Variants in IL17RC observed in about 807,000 individuals in gnomAD.
IL17RC encodes the protein interleukin 17 receptor C, also known as interleukin-17 receptor C.
A neutral mutation model predicts 86.7 loss-of-function variants in IL17RC; 53 were observed. That is an observed-to-expected ratio of 0.61 (90% CI 0.49 to 0.77). IL17RC has a LOEUF of 0.77. IL17RC is among the 30% of genes least tolerant of loss of function. The pLI is 0.00. For missense variants in IL17RC, 957 were observed against 940.0 expected, an observed-to-expected ratio of 1.02 and a Z score of -0.24; for synonymous variants, 439 against 413.1, an observed-to-expected ratio of 1.06 and a Z score of -0.76.
At position 9,933,502 on chromosome 3, in the gene IL17RC, C is replaced by A; in HGVS notation, c.2072C>A (p.Ala691Asp). ...CAAGTGTCCCGGGCCCTTCAGCCAG[C>A]CCTGGATAGCTACTTCCATCCCCCG... ...AEQVSRALQP[A>D]LDSYFHPPGT... Residue 691 changes from alanine (A) to aspartate (D), a missense_variant, in exon 19 of 19, where the codon GCC becomes GAC. Coordinates refer to ENST00000403601, the MANE Select transcript of IL17RC (RefSeq NM_153460.4). 1.9e-6 allele frequency: 3 copies of A among 1,611,214 alleles called. No homozygotes were observed. The highest frequency in any genetic ancestry group is 2.5e-6 in the Non-Finnish European group (3 of 1,179,166).
intron 1 of IL17RC, 109 bp downstream of exon 1, chr3:9,917,529 T>G (rs2083181676): frequency 6.2e-7 from 1 of 1,613,968 alleles, no homozygotes; most frequent in African/African-American, 1.3e-5. Flanking sequence ...AACTGCCCTG[T>G]CTGGTCTGTC....
rs879509213 is a variant in IL17RC, at chr3:9,920,533, G to A, written c.508G>A (p.Glu170Lys). ...CTGCTTCGAGGCTGCCCTAGGGAGT[G>A]AGGTACGAATCTGGTCCTATACTCA... ...YDCFEAALGS[E>K]VRIWSYTQPR... The change falls in exon 6 of 19, where the codon GAG (glutamate) becomes AAG (lysine). Residue 170 changes from glutamate to lysine, a missense_variant. Transcript: ENST00000403601. 1.2e-6 allele frequency: 2 copies of A among 1,608,000 alleles called. No individual in the cohort carries two copies. The highest frequency in any genetic ancestry group is 1.7e-6 in the Non-Finnish European group (2 of 1,176,696).
In IL17RC at chr3:9,929,597, A is replaced by AG. The variant is rs2084460666; in HGVS notation, c.1111-251dup. On this transcript the variant is annotated intron_variant, in intron 12 of 18. Transcript: ENST00000403601. ...AATCTCTTTGAGAAGGTTAGATGAG[A>AG]GGGGAACCATGCTCCGTAAGACATA... 4.4e-5 allele frequency: 24 copies of AG among 546,944 alleles called. No homozygotes were observed. The South Asian group carries it at 5.3e-4, about 12-fold the overall frequency. The allele number at this position is 546,944 out of a possible 1,614,324, so 33.9% of individuals were successfully genotyped here.
At chr3:9,928,673 G>A (rs770676160) in intron 12 of IL17RC, 43 bp downstream of exon 12, 48 of 1,602,174 alleles carry the variant, frequency 3.0e-5, no homozygotes, top group Non-Finnish European at 2.9e-5. Flanking sequence ...GCTGGACCTG[G>A]GCAGACCCCC....
intron 7 of IL17RC, 105 bp downstream of exon 7, chr3:9,921,074 C>A: frequency 3.1e-6 from 2 of 646,302 alleles, no homozygotes; most frequent in South Asian, 2.1e-5. Context: ...CTCAGAAGCT[C>A]ACAGAACATA....
At chr3:9,917,838 G>T (rs1304335776) in intron 2 of IL17RC, 85 bp from the exon 3 acceptor site, 1 of 1,607,448 alleles carries the variant, frequency 6.2e-7, no homozygotes, top group East Asian at 2.2e-5. Context: ...GGACAGCCAA[G>T]TTCTTTGGCT....
chr3:9,933,560 A>AGG lies in IL17RC; in HGVS notation c.2131_2132dup (p.Gly713ArgfsTer11), dbSNP rs750449725. 2.4e-5 allele frequency: 38 copies of AGG among 1,605,834 alleles called. No individual in the cohort carries two copies. The African/African-American group carries it at 3.2e-4, about 14-fold the overall frequency. On this transcript the variant is annotated frameshift_variant, in exon 19 of 19. Coordinates refer to ENST00000403601, the MANE Select transcript of IL17RC (RefSeq NM_153460.4). LOFTEE classifies it low-confidence loss of function (END_TRUNC). Reference sequence around the variant, plus strand: ...CCGCGCCGGGACGCGGGGTGGGACCAGGCGCGGGACCTGGGGCGGGGGACG... The same window carrying AGG: ...CCGCGCCGGGACGCGGGGTGGGACCAGGGGCGCGGGACCTGGGGCGGGGGACG...
At chr3:9,919,309 TTTTTTGTTTTTG>T (rs955686763) in intron 5 of IL17RC, among the ~76,000 whole-genome samples, 13 of 150,996 alleles carry the variant, frequency 8.6e-5, no homozygotes, top group East Asian at 1.9e-4. Context: ...CTCTTAAAGT[TTTTTTGTTTTTG>T]TTTTTGTTTT....
At chr3:9,924,056 T>C (rs753239171) in intron 8 of IL17RC, 36 bp downstream of exon 8, 1 of 1,612,064 alleles carries the variant, frequency 6.2e-7, no homozygotes, top group Non-Finnish European at 8.5e-7. Flanking sequence ...ATTCCCACTG[T>C]AGGCCGATGC....
chr3:9,921,424 C>G (rs1229662998), intron 7 of IL17RC, among the ~76,000 whole-genome samples: 1 of 151,830 alleles, frequency 6.6e-6, no homozygotes, highest in Non-Finnish European at 1.5e-5. Context: ...CATTGCACAC[C>G]AGCCTGGGTG....
chr3:9,917,128 A>G lies in IL17RC; in HGVS notation c.-188A>G. 3.4e-6 allele frequency: 2 copies of G among 592,302 alleles called. No homozygotes were observed. The highest frequency in any genetic ancestry group is 6.0e-6 in the Non-Finnish European group (2 of 333,424). 36.7% of individuals were successfully genotyped at this position (592,302 alleles called of 1,614,324 possible). On this transcript the variant is annotated 5_prime_UTR_variant, in exon 1 of 19. Coordinates refer to ENST00000403601, the MANE Select transcript of IL17RC (RefSeq NM_153460.4). ...GAAAGCACTCCGTGCTGGAAGTAGG[A>G]GGAGAGTCAGGACTCCCAGGACAGA...
In IL17RC at chr3:9,924,289, C is replaced by A; in HGVS notation, c.820C>A (p.Gln274Lys). 1.9e-6 allele frequency: 3 copies of A among 1,613,758 alleles called. No homozygotes were observed. Among genetic ancestry groups the A allele is most frequent in the South Asian group, 2.2e-5 (2 of 91,038 alleles). Residue 274 changes from glutamine to lysine, a missense_variant and splice_region_variant, in exon 9 of 19, where the codon CAG (glutamine) becomes AAG (lysine). Transcript: ENST00000403601. ...AGACCTGGTTCCCTGCCTCTGTATT[C>A]AGGTAGGAGCAGAGTCTAGCTGGGT... ...HTDLVPCLCI[Q>K]VWPLEPDSVR... is the part of the protein sequence containing the mutation.
intron 9 of IL17RC, among the ~76,000 whole-genome samples, chr3:9,925,186 G>A (rs2083944979): frequency 6.6e-6 from 1 of 150,714 alleles, no homozygotes; most frequent in Admixed American, 6.6e-5. Context: ...CGTGATCTCG[G>A]CTCACTGCAA....
chr3:9,917,452 G>T, intron 1 of IL17RC, 32 bp downstream of exon 1: 1 of 1,614,222 alleles, frequency 6.2e-7, no homozygotes, highest in Non-Finnish European at 8.5e-7. Flanking sequence ...GACGAGGAAA[G>T]GCTCAGGGTT....
rs2084860336 is a variant in IL17RC at position 9,932,685 on chromosome 3, A to C, written c.1465A>C (p.Lys489Gln). 3.7e-6 allele frequency: 6 copies of C among 1,613,910 alleles called. No individual in the cohort carries two copies. The Middle Eastern group carries it at 9.9e-4, about 266-fold the overall frequency. ...TGCGCTTTCCCTCATCCTCCTTCTC[A>C]AAAAGGATCACGCGAAAGGTGAGCG... is the stretch of plus-strand genomic sequence containing the variant. ...AAALSLILLL[K>Q]KDHAKGWLRL... The change falls in exon 17 of 19, where the codon AAA becomes CAA. Residue 489 changes from lysine (K) to glutamine (Q), a missense_variant. Transcript: ENST00000403601.
intron 9 of IL17RC, 128 bp from the exon 10 acceptor site, chr3:9,928,038 G>A: frequency 1.2e-6 from 1 of 857,370 alleles, no homozygotes; most frequent in Non-Finnish European, 1.9e-6. Flanking sequence ...TCCAGGTTTT[G>A]TAAAAGGCAG....
chr3:9,926,080 A>G (rs2084043658), intron 9 of IL17RC, among the ~76,000 whole-genome samples: 1 of 128,154 alleles, frequency 7.8e-6, no homozygotes, highest in Admixed American at 8.9e-5. Flanking sequence ...TTTGCCCAGG[A>G]TGGAGTGCAG....
At chr3:9,917,587 T>G (rs2083191339) in intron 1 of IL17RC, 126 bp from the exon 2 acceptor site, 1 of 1,614,082 alleles carries the variant, frequency 6.2e-7, no homozygotes, top group Non-Finnish European at 8.5e-7. Context: ...AAGAGCTGGG[T>G]CTGTCTTTCT....
rs751697874 is a variant in IL17RC at position 9,930,900 on chromosome 3, G to C, written c.1344G>C (p.Trp448Cys). 1 of 1,614,018 alleles carries C rather than the reference G, an allele frequency of 6.2e-7. No individual in the cohort carries two copies. Among genetic ancestry groups the C allele is most frequent in the Non-Finnish European group, 8.5e-7 (1 of 1,179,900 alleles). The change falls in exon 16 of 19, where the codon TGG becomes TGC. Residue 448 changes from tryptophan (W) to cysteine (C), a missense_variant. By Grantham distance (215) the Trp-to-Cys change is radical. Transcript: ENST00000403601. This position sits in a 1 kb window ranked among gnomAD's most constrained non-coding sequence, Gnocchi z 5.8. ...GTTCTGTTTGTATCTTACAGCTATG[G>C]GACGATGACTTGGGAGCGCTATGGG... ...DLQSGQCLQL[W>C]DDDLGALWAC... is the part of the protein sequence containing the mutation.
Sources: allele counts gnomAD v4.1 joint callset (sites outside exome capture counted in the v4.1 genomes callset), GRCh38; gene constraint gnomAD v4.1.1; non-coding constraint Gnocchi (gnomAD v3.1); transcripts MANE v1.5; gene names NCBI Gene and HGNC (gene_info 2026-07-23, HGNC 2026-07-21).